DPH6: variants seen among roughly 807,000 people sequenced by gnomAD.
DPH6 encodes the protein diphthine--ammonia ligase.
DPH6 carries 33 observed loss-of-function variants against 38.2 expected under a neutral mutation model. The ratio of observed to expected loss-of-function variants is 0.86; its 90% CI spans 0.65 to 1.15. DPH6 has a LOEUF of 1.15. Ranked by LOEUF, DPH6 falls within the 50% of genes most tolerant of loss-of-function variation. The probability of loss-of-function intolerance (pLI) is 0.00; values close to 1 mark genes in which losing one functional copy is unlikely to be tolerated. For synonymous variants in DPH6, 108 were observed against 103.0 expected, an observed-to-expected ratio of 1.05 and a Z score of -0.30; for missense variants, 325 against 320.0, an observed-to-expected ratio of 1.02 and a Z score of -0.12.
the DPH6 span, among the ~76,000 whole-genome samples, chr15:35,159,097 T>C: frequency 1.3e-5 from 2 of 152,082 alleles, no homozygotes; most frequent in African/African-American, 4.8e-5. Flanking sequence ...CTTTCCTTTT[T>C]CCCCAAATTC....
At chr15:35,367,228 C>T (rs1004009176), downstream of DPH6, among the ~76,000 whole-genome samples, 19 of 151,580 alleles carry the variant, frequency 1.3e-4, no homozygotes, top group Non-Finnish European at 2.4e-4. Flanking sequence ...AACAAGAGCA[C>T]GATTAAATAC....
At chr15:35,225,784 TGAG>T (rs1388816056) in intron 3 of DPH6, among the ~76,000 whole-genome samples, 27 of 152,214 alleles carry the variant, frequency 1.8e-4, no homozygotes, top group Non-Finnish European at 3.2e-4. Flanking sequence ...GATTATAACA[TGAG>T]GAGGTATAAT....
At chr15:35,299,418 T>G (rs2052038725) in intron 3 of DPH6, 1 of 789,248 alleles carries the variant, frequency 1.3e-6, no homozygotes, top group Admixed American at 1.7e-5. Context: ...AGTCACTGGT[T>G]TCCTCTGATC....
intron 3 of DPH6, chr15:35,522,358 C>T: frequency 7.2e-7 from 1 of 1,390,994 alleles, no homozygotes; most frequent in Non-Finnish European, 9.8e-7. Context: ...GGATTACCAT[C>T]TTTCACCACC....
chr15:35,387,643 T>C (rs2052986606), intron 6 of DPH6, among the ~76,000 whole-genome samples: 1 of 152,150 alleles, frequency 6.6e-6, no homozygotes, highest in Non-Finnish European at 1.5e-5. Flanking sequence ...GCTCTCTGTT[T>C]GTCTGTTATT....
chr15:35,290,086 A>G (rs947235548), intron 3 of DPH6, among the ~76,000 whole-genome samples: 3 of 152,236 alleles, frequency 2.0e-5, no homozygotes, highest in African/African-American at 7.2e-5. Flanking sequence ...AGGTTTTGCA[A>G]TGAACACACA....
intron 4 of DPH6, among the ~76,000 whole-genome samples, chr15:35,453,070 CACAA>C (rs1369259313): frequency 6.6e-6 from 1 of 152,188 alleles, no homozygotes; most frequent in Non-Finnish European, 1.5e-5. Flanking sequence ...AATAATACAA[CACAA>C]ACTAAAATTT....
chr15:35,459,175 C>T (rs1050907708), intron 3 of DPH6, among the ~76,000 whole-genome samples: 1 of 152,176 alleles, frequency 6.6e-6, no homozygotes, highest in Non-Finnish European at 1.5e-5. Flanking sequence ...TACTTTCTCA[C>T]AGTTATGGAG....
chr15:35,511,779 G>C (rs1013522924), intron 3 of DPH6, among the ~76,000 whole-genome samples: 1 of 151,714 alleles, frequency 6.6e-6, no homozygotes, highest in Non-Finnish European at 1.5e-5. Flanking sequence ...AGAGAATTAG[G>C]TCTAAGAAAC....
At chr15:35,538,037 T>C (rs1566944898) in intron 3 of DPH6, 1 of 296,236 alleles carries the variant, frequency 3.4e-6, no homozygotes, top group African/African-American at 2.2e-5. Flanking sequence ...CTTATTTTAA[T>C]ATCATTTGAT....
chr15:35,384,951 G>A (rs1324141306), intron 6 of DPH6, among the ~76,000 whole-genome samples: 1 of 152,132 alleles, frequency 6.6e-6, no homozygotes, highest in African/African-American at 2.4e-5. Context: ...TCAAAAAGTA[G>A]GTGAAGGATA....
the DPH6 span, among the ~76,000 whole-genome samples, chr15:35,167,437 TA>T: frequency 0.22 from 33,061 of 149,088 alleles, 3,935 homozygotes; most frequent in East Asian, 0.39. Context: ...AACTTTCAAT[TA>T]AAAAAAAAAT....
intron 3 of DPH6, among the ~76,000 whole-genome samples, chr15:35,355,635 G>A (rs534736716): frequency 1.3e-5 from 2 of 152,270 alleles, no homozygotes; most frequent in South Asian, 4.2e-4. Context: ...CTGGCTTGTA[G>A]TTTCTGCCGA....
In DPH6 at chr15:35,432,983, T is replaced by C. The variant is rs917671634; in HGVS notation, c.505+17702A>G. ...ACCCAAGTGACATGAAATTTACCCA[T>C]GTAACAAACCTGCACATGTACCCAC... On this transcript the variant is annotated intron_variant, in intron 5 of 8. Transcript: ENST00000256538. Among the ~76,000 whole-genome samples, 5 of 152,168 alleles carry C rather than the reference T, an allele frequency of 3.3e-5. No homozygotes were observed. In the South Asian group the frequency reaches 6.2e-4, roughly 19 times the overall value.
chr15:35,348,458 C>G (rs73376738), intron 3 of DPH6, among the ~76,000 whole-genome samples: 2 of 152,070 alleles, frequency 1.3e-5, no homozygotes. Flanking sequence ...TGACCATATA[C>G]ATAAAGATTT....
At chr15:35,180,392 AACACACACACACAC>A in the DPH6 span, among the ~76,000 whole-genome samples, 648 of 140,598 alleles carry the variant, frequency 4.6e-3, 4 homozygotes, top group African/African-American at 0.014. Context: ...TTGGTTTTAA[AACACACACACACAC>A]ACACACACAC....
At chr15:35,255,276 C>T (rs1038817208) in intron 3 of DPH6, among the ~76,000 whole-genome samples, 2 of 152,176 alleles carry the variant, frequency 1.3e-5, no homozygotes, top group African/African-American at 4.8e-5. Context: ...TAATCCTGCA[C>T]TGGAGCCTTC....
intron 6 of DPH6, among the ~76,000 whole-genome samples, chr15:35,402,261 T>C (rs1200057053): frequency 3.9e-5 from 6 of 152,174 alleles, no homozygotes; most frequent in African/African-American, 1.4e-4. Context: ...CAGAAACCTC[T>C]GTGCAGTTCA....
intron 5 of DPH6, among the ~76,000 whole-genome samples, chr15:35,438,659 G>A (rs1482926222): frequency 6.6e-6 from 1 of 152,094 alleles, no homozygotes; most frequent in East Asian, 1.9e-4. Context: ...TATGTTGTGT[G>A]TGATGTCTAC....
Sources: gnomAD v4.1 joint callset for allele counts (sites outside exome capture counted in the v4.1 genomes callset) on GRCh38, gnomAD v4.1.1 for gene constraint, MANE v1.5 for transcripts, NCBI Gene and HGNC (gene_info 2026-07-23, HGNC 2026-07-21) for gene names.